CNR2: variants seen among roughly 807,000 people sequenced by gnomAD.
CNR2 encodes cannabinoid receptor 2.
For synonymous variants in CNR2, 172 were observed against 182.2 expected, an observed-to-expected ratio of 0.94 and a Z score of 0.45; for missense variants, 379 against 439.9, an observed-to-expected ratio of 0.86 and a Z score of 1.24.
chr1:23,875,475 G>C lies in CNR2; in HGVS notation c.143C>G (p.Ala48Gly). Residue 48 changes from alanine (A) to glycine (G), a missense_variant, in exon 2 of 2, where the codon GCC (alanine) becomes GGC (glycine). By Grantham distance (60) the Ala-to-Gly change is moderately conservative (BLOSUM62 0). Coordinates refer to ENST00000374472, the MANE Select transcript of CNR2 (RefSeq NM_001841.3). ...ATAGAGCACAGCCACGTTCTCCAGGGCACTTAGCAGGCCCAGAAGAGTGCA... is the reference window on the plus strand; with the variant it reads ...ATAGAGCACAGCCACGTTCTCCAGGCCACTTAGCAGGCCCAGAAGAGTGCA... ...VLCTLLGLLS[A>G]LENVAVLYLI... 6.2e-7 allele frequency: 1 copy of C among 1,614,208 alleles called. No homozygotes were observed. Among genetic ancestry groups the C allele is most frequent in the Non-Finnish European group, 8.5e-7 (1 of 1,180,046 alleles).
At chr1:23,883,493 A>G (rs1277254848) in intron 1 of CNR2, among the ~76,000 whole-genome samples, 1 of 152,242 alleles carries the variant, frequency 6.6e-6, no homozygotes, top group African/African-American at 2.4e-5. Flanking sequence ...AAGGAATACC[A>G]CAAAGTGGTG....
At chr1:23,902,827 C>A (rs1379120988) in intron 1 of CNR2, 3 of 1,284,648 alleles carry the variant, frequency 2.3e-6, no homozygotes, top group Middle Eastern at 3.0e-4. Context: ...GGCTGCGCTG[C>A]CCGGCCTTCC....
At chr1:23,889,358 T>C (rs952867818) in intron 1 of CNR2, among the ~76,000 whole-genome samples, 1 of 152,150 alleles carries the variant, frequency 6.6e-6, no homozygotes, top group Non-Finnish European at 1.5e-5. Flanking sequence ...AAGCTGAGAT[T>C]TGATGCCACA....
At chr1:23,894,314 G>A (rs188361182) in intron 1 of CNR2, among the ~76,000 whole-genome samples, 2 of 151,992 alleles carry the variant, frequency 1.3e-5, no homozygotes, top group African/African-American at 2.4e-5. Context: ...CTAACTACTC[G>A]GGTGGCTGAG....
chr1:23,885,652 G>T (rs139335638), intron 1 of CNR2, among the ~76,000 whole-genome samples: 2,391 of 151,782 alleles, frequency 0.016, 35 homozygotes, highest in Non-Finnish European at 0.019. Context: ...GGCTGAAGCA[G>T]GTGGATCACG....
chr1:23,901,829 C>G (rs1317645018), intron 1 of CNR2: 1 of 1,607,184 alleles, frequency 6.2e-7, no homozygotes, highest in Non-Finnish European at 8.5e-7. Flanking sequence ...AATAAATACC[C>G]TTCTGTCCAC....
In CNR2 at chr1:23,875,353, A is replaced by G. The variant is rs773226744; in HGVS notation, c.265T>C (p.Cys89Arg). 7.4e-6 allele frequency: 12 copies of G among 1,614,252 alleles called. No homozygotes were observed. Among genetic ancestry groups the G allele is most frequent in the Non-Finnish European group, 8.5e-6 (10 of 1,180,042 alleles). Residue 89 changes from cysteine to arginine, a missense_variant, in exon 2 of 2, where the codon TGC (cysteine) becomes CGC (arginine). Transcript: ENST00000374472. ...ADFLASVVFA[C>R]SFVNFHVFHG... is the part of the protein sequence containing the mutation. ...AAAACATGGAAATTCACAAAGCTGC[A>G]TGCAAAGACCACACTGGCCAGGAAG...
chr1:23,899,372 A>C (rs1278851171), intron 1 of CNR2, among the ~76,000 whole-genome samples: 1 of 76,526 alleles, frequency 1.3e-5, no homozygotes, highest in Non-Finnish European at 2.6e-5. Context: ...CTAACCTCCA[A>C]GGTGTCCTTG....
intron 1 of CNR2, among the ~76,000 whole-genome samples, chr1:23,884,894 G>C (rs1640060994): frequency 6.6e-6 from 1 of 151,866 alleles, no homozygotes; most frequent in Admixed American, 6.6e-5. Context: ...TCCACCTTCC[G>C]AGTTCAAGCG....
intron 1 of CNR2, among the ~76,000 whole-genome samples, chr1:23,894,377 T>C (rs1640240021): frequency 6.6e-6 from 1 of 151,566 alleles, no homozygotes; most frequent in Non-Finnish European, 1.5e-5. Context: ...GCTGAGATCA[T>C]GCCATTGCAC....
chr1:23,883,549 G>T (rs935528892), intron 1 of CNR2, among the ~76,000 whole-genome samples: 22 of 152,230 alleles, frequency 1.4e-4, no homozygotes, highest in African/African-American at 5.3e-4. Context: ...GTTAGGCCGG[G>T]CGTGGTAGCT....
intron 1 of CNR2, among the ~76,000 whole-genome samples, chr1:23,881,878 C>T (rs558150479): frequency 8.0e-5 from 12 of 150,734 alleles, no homozygotes; most frequent in South Asian, 6.3e-4. Context: ...GCAACGAGAG[C>T]GAAACTTTGT....
intron 1 of CNR2, chr1:23,901,606 G>C: frequency 6.2e-7 from 1 of 1,608,582 alleles, no homozygotes; most frequent in Non-Finnish European, 8.5e-7. Flanking sequence ...CAAAGTAGCT[G>C]AGGTTGCTGC....
At chr1:23,893,333 G>A (rs1418472731) in intron 1 of CNR2, among the ~76,000 whole-genome samples, 1 of 152,188 alleles carries the variant, frequency 6.6e-6, no homozygotes, top group African/African-American at 2.4e-5. Context: ...TCAAGGTTAA[G>A]TGCCAAGGCT....
chr1:23,876,885 T>C (rs1008275713), intron 1 of CNR2, among the ~76,000 whole-genome samples: 1 of 151,438 alleles, frequency 6.6e-6, no homozygotes, highest in Admixed American at 6.6e-5. Context: ...AACTTTTTAG[T>C]ATATGTCACA....
In CNR2 at chr1:23,899,978, GA is replaced by G. The variant is rs1557532781; in HGVS notation, c.-46+13267del. 1.5e-3 allele frequency among the ~76,000 whole-genome samples: 7 copies of G among 4,730 alleles called. No homozygotes were observed. In the South Asian group the frequency reaches 0.17, roughly 113 times the overall value. 3.1% of individuals were successfully genotyped at this position (4,730 alleles called of 152,430 possible). ...AAAGGAAAGAAAGAAAGAAAGGAAA[GA>G]AAGAAAGAAAAGAAAGAAAGAAAGG... On this transcript the variant is annotated intron_variant, in intron 1 of 1. Transcript: ENST00000374472.
chr1:23,890,945 C>A (rs1427022481), intron 1 of CNR2, among the ~76,000 whole-genome samples: 1 of 147,952 alleles, frequency 6.8e-6, no homozygotes. Flanking sequence ...GTGGTGTGAT[C>A]TCAGCTCACT....
intron 1 of CNR2, among the ~76,000 whole-genome samples, chr1:23,888,428 T>A (rs548098618): frequency 6.6e-6 from 1 of 152,256 alleles, no homozygotes; most frequent in East Asian, 1.9e-4. Flanking sequence ...CATCATAGCT[T>A]CTTACCCTGG....
chr1:23,883,840 C>T (rs1474295479), intron 1 of CNR2, among the ~76,000 whole-genome samples: 2 of 151,668 alleles, frequency 1.3e-5, no homozygotes, highest in Non-Finnish European at 2.9e-5. Context: ...AACAAACAAA[C>T]AACAAAAAAA....
Sources: allele counts gnomAD v4.1 joint callset (sites outside exome capture counted in the v4.1 genomes callset), GRCh38; gene constraint gnomAD v4.1.1; transcripts MANE v1.5; gene names NCBI Gene and HGNC (gene_info 2026-07-23, HGNC 2026-07-21).